CENPP: variants seen among roughly 807,000 people sequenced by gnomAD.
CENPP encodes centromere protein P.
CENPP carries 24 observed loss-of-function variants against 35.6 expected under a neutral mutation model. That is an observed-to-expected ratio of 0.67 (90% CI 0.49 to 0.95). CENPP has a LOEUF of 0.95. CENPP is among the 40% of genes least tolerant of loss of function. The pLI is 0.00. For synonymous variants in CENPP, 120 were observed against 125.5 expected (o/e 0.96, Z 0.29); for missense variants, 332 against 345.3 (o/e 0.96, Z 0.31).
chr9:92,616,630 T>TTTATC lies in CENPP; in HGVS notation c.*3484_*3488dup, dbSNP rs974392640. ...CTGGTTTCTCATTTTATTCTCAAATTTTATCTTCAGTCCTTTGTATTTTGC... is the reference window on the plus strand; with the variant it reads ...CTGGTTTCTCATTTTATTCTCAAATTTTATCTTATCTTCAGTCCTTTGTATTTTGC... On this transcript the variant is annotated 3_prime_UTR_variant, in exon 8 of 8. Coordinates refer to ENST00000375587, the MANE Select transcript of CENPP (RefSeq NM_001012267.3). The TTTATC allele has an allele frequency of 1.3e-5, 2 of 152,850 alleles. No homozygotes were observed. The highest frequency in any genetic ancestry group is 2.9e-5 in the Non-Finnish European group (2 of 68,592). The allele number at this position is 152,850 out of a possible 1,614,324, so 9.5% of individuals were successfully genotyped here. A position where few individuals can be genotyped will look rare whatever the true frequency, so the allele number is the denominator to read the frequency against.
intron 5 of CENPP, among the ~76,000 whole-genome samples, chr9:92,494,776 G>A (rs751254806): frequency 2.1e-4 from 32 of 151,952 alleles, no homozygotes; most frequent in Non-Finnish European, 1.5e-4. Flanking sequence ...GAGTGGTGAC[G>A]CATGCCTATA....
chr9:92,500,937 T>C (rs1846633872), intron 5 of CENPP: 17 of 1,614,122 alleles, frequency 1.1e-5, no homozygotes, highest in Non-Finnish European at 1.4e-5. Flanking sequence ...GCCAAACACA[T>C]AGCCAGGGAT....
At chr9:92,515,586 T>C (rs1847652646) in intron 5 of CENPP, among the ~76,000 whole-genome samples, 1 of 152,334 alleles carries the variant, frequency 6.6e-6, no homozygotes, top group South Asian at 2.1e-4. Context: ...ATAGATACTG[T>C]TCTGTTCACT....
chr9:92,468,812 A>G (rs562012429), intron 5 of CENPP, among the ~76,000 whole-genome samples: 8 of 152,316 alleles, frequency 5.3e-5, no homozygotes, highest in African/African-American at 1.7e-4. Flanking sequence ...CCATTGCTCT[A>G]CACCTGACAT....
At chr9:92,330,969 C>A (rs1382313587) in intron 1 of CENPP, among the ~76,000 whole-genome samples, 1 of 152,090 alleles carries the variant, frequency 6.6e-6, no homozygotes, top group African/African-American at 2.4e-5. Flanking sequence ...GGATTGCAGG[C>A]GTGAGCCACT....
chr9:92,434,287 G>C (rs1206249693), intron 5 of CENPP, among the ~76,000 whole-genome samples: 1 of 151,662 alleles, frequency 6.6e-6, no homozygotes, highest in Admixed American at 6.6e-5. Flanking sequence ...CACTCGGGAG[G>C]CTGAGGCAGA....
At chr9:92,393,521 T>G (rs878954015) in intron 5 of CENPP, among the ~76,000 whole-genome samples, 21 of 152,154 alleles carry the variant, frequency 1.4e-4, no homozygotes, top group African/African-American at 4.6e-4. Context: ...CCAAAAAAAT[T>G]TACAAAGCAG....
chr9:92,560,386 T>C (rs565464217), intron 5 of CENPP, among the ~76,000 whole-genome samples: 14 of 152,306 alleles, frequency 9.2e-5, no homozygotes, highest in African/African-American at 3.4e-4. Context: ...CATCTAGTCT[T>C]GGGTATGAAC....
Position 92,582,581 on chromosome 9 carries a change from TC to T in CENPP, c.565-28732del, listed in dbSNP as rs1850452916. On this transcript the variant is annotated intron_variant, in intron 5 of 7. Transcript: ENST00000375587. ...AAGAAAAAATAATGTGGAGCCTGAT[TC>T]TGCCCTCTCTTTTATTATCTGTGTT... is the stretch of plus-strand genomic sequence containing the variant. 3.3e-5 allele frequency among the ~76,000 whole-genome samples: 5 copies of T among 152,048 alleles called. No individual in the cohort carries two copies. In the South Asian group the frequency reaches 1.0e-3, roughly 32 times the overall value.
chr9:92,539,944 G>C (rs1342559411), intron 5 of CENPP, among the ~76,000 whole-genome samples: 1 of 152,048 alleles, frequency 6.6e-6, no homozygotes, highest in Non-Finnish European at 1.5e-5. Flanking sequence ...TTTCCAAAAA[G>C]GTTATAGTAA....
chr9:92,548,441 C>T (rs1301881767), intron 5 of CENPP, among the ~76,000 whole-genome samples: 1 of 152,108 alleles, frequency 6.6e-6, no homozygotes, highest in South Asian at 2.1e-4. Context: ...CCCATACTTG[C>T]CAGGATATTA....
At chr9:92,489,308 G>A (rs867584453) in intron 5 of CENPP, among the ~76,000 whole-genome samples, 4 of 152,312 alleles carry the variant, frequency 2.6e-5, no homozygotes, top group South Asian at 4.1e-4. Flanking sequence ...GCTGATGGTC[G>A]TAGGGCCAGA....
chr9:92,456,192 C>T (rs1844871305), intron 5 of CENPP: 1 of 152,138 alleles, frequency 6.6e-6, no homozygotes, highest in Non-Finnish European at 1.5e-5. Context: ...AAAATAACAT[C>T]AAAGCACAAA....
At chr9:92,413,214 C>T (rs1295072003) in intron 5 of CENPP, among the ~76,000 whole-genome samples, 3 of 151,904 alleles carry the variant, frequency 2.0e-5, no homozygotes, top group African/African-American at 7.2e-5. Context: ...CTCAAACTCC[C>T]GACCCCAGGT....
At chr9:92,410,582 T>G (rs1308499526) in intron 5 of CENPP, among the ~76,000 whole-genome samples, 3 of 152,158 alleles carry the variant, frequency 2.0e-5, no homozygotes, top group African/African-American at 7.2e-5. Flanking sequence ...AGATATATGA[T>G]TTAAGCACCC....
At chr9:92,510,738 C>T (rs1430142720) in intron 5 of CENPP, among the ~76,000 whole-genome samples, 7 of 152,190 alleles carry the variant, frequency 4.6e-5, no homozygotes, top group Non-Finnish European at 7.3e-5. Flanking sequence ...TCAACAGTTT[C>T]GGAATGGGAC....
chr9:92,475,071 G>A, intron 5 of CENPP: 1 of 825,184 alleles, frequency 1.2e-6, no homozygotes, highest in Non-Finnish European at 1.7e-6. Flanking sequence ...TTTTTGGAAA[G>A]CAATTCAGCA....
rs1186987708 is a variant in CENPP, at chr9:92,414,870, CATG to C, written c.564+35014_564+35016del. The C allele has an allele frequency of 4.1e-5, 11 of 270,692 alleles. No individual in the cohort carries two copies. In the Admixed American group the frequency reaches 4.6e-4, roughly 11 times the overall value. 16.8% of individuals were successfully genotyped at this position (270,692 alleles called of 1,614,324 possible). On this transcript the variant is annotated intron_variant, in intron 5 of 7. Transcript: ENST00000375587. The stretch of plus-strand genomic sequence containing the variant: ...GAAATGATACACTCACTTTCTTTAA[CATG>C]ATATTTCTATATTTAAAAAGAGCAT...
At chr9:92,387,502 A>G (rs1842484509) in intron 5 of CENPP, among the ~76,000 whole-genome samples, 1 of 152,150 alleles carries the variant, frequency 6.6e-6, no homozygotes, top group African/African-American at 2.4e-5. Flanking sequence ...TCAGTAACCC[A>G]TTATTGTGTA....
Sources: allele counts gnomAD v4.1 joint callset (sites outside exome capture counted in the v4.1 genomes callset), GRCh38; gene constraint gnomAD v4.1.1; transcripts MANE v1.5; gene names NCBI Gene and HGNC (gene_info 2026-07-23, HGNC 2026-07-21).